Variants in FMN2 observed in about 807,000 individuals in gnomAD.
FMN2 encodes formin-2.
FMN2 carries 51 observed loss-of-function variants against 142.3 expected under a neutral mutation model. The ratio of observed to expected loss-of-function variants is 0.36; its 90% CI spans 0.29 to 0.45. The LOEUF (loss-of-function observed/expected upper bound fraction) is 0.45. FMN2 is among the 20% of genes least tolerant of loss of function. The probability of loss-of-function intolerance (pLI) is 1.00; values close to 1 mark genes in which losing one functional copy is unlikely to be tolerated. For synonymous variants in FMN2, 882 were observed against 869.8 expected (o/e 1.01, Z -0.25); for missense variants, 1,936 against 2,122.8 (o/e 0.91, Z 1.73).
At chr1:240,095,821 A>T (rs1359573734) in intron 1 of FMN2, among the ~76,000 whole-genome samples, 1 of 152,158 alleles carries the variant, frequency 6.6e-6, no homozygotes, top group Non-Finnish European at 1.5e-5. Context: ...GGGACTCTTA[A>T]AAGAGTCCTG....
chr1:240,464,536 C>T (rs1676550912), intron 16 of FMN2, among the ~76,000 whole-genome samples: 2 of 152,064 alleles, frequency 1.3e-5, no homozygotes, highest in African/African-American at 4.8e-5. Context: ...GTTTTTGGAA[C>T]ATAAGTATAG....
At chr1:240,383,594 G>T (rs1673301037) in intron 14 of FMN2, among the ~76,000 whole-genome samples, 1 of 152,146 alleles carries the variant, frequency 6.6e-6, no homozygotes, top group Admixed American at 6.6e-5. Flanking sequence ...AAAAACAGCA[G>T]AGGTAGACAT....
intron 15 of FMN2, among the ~76,000 whole-genome samples, chr1:240,403,296 A>G (rs191854257): frequency 7.9e-5 from 12 of 152,356 alleles, no homozygotes; most frequent in African/African-American, 2.6e-4. Context: ...TAAGATGTTT[A>G]TATTTTTCTA....
chr1:240,251,974 T>C (rs959114838), intron 6 of FMN2, among the ~76,000 whole-genome samples: 1 of 152,214 alleles, frequency 6.6e-6, no homozygotes, highest in Non-Finnish European at 1.5e-5. Context: ...AGTGACGCTA[T>C]CTCGGCTCAG....
chr1:240,261,489 G>A (rs748608306), intron 7 of FMN2, among the ~76,000 whole-genome samples: 2 of 151,474 alleles, frequency 1.3e-5, no homozygotes, highest in Admixed American at 1.3e-4. Context: ...CTTCTTTGCT[G>A]TCAGTACTCT....
intron 15 of FMN2, among the ~76,000 whole-genome samples, chr1:240,398,440 G>A (rs145087257): frequency 1.4e-4 from 22 of 152,254 alleles, no homozygotes; most frequent in African/African-American, 5.1e-4. Context: ...TCAAAGGCCT[G>A]AAATTATAAA....
At chr1:240,146,067 G>C (rs1388240524) in intron 2 of FMN2, among the ~76,000 whole-genome samples, 1 of 151,916 alleles carries the variant, frequency 6.6e-6, no homozygotes, top group Admixed American at 6.6e-5. Context: ...CATATGCCAC[G>C]TTCAAAGTGA....
intron 8 of FMN2, among the ~76,000 whole-genome samples, chr1:240,305,027 C>T (rs1197966368): frequency 1.3e-5 from 2 of 152,196 alleles, no homozygotes; most frequent in African/African-American, 2.4e-5. Flanking sequence ...GCTATCTTCC[C>T]AGAATCCTTT....
chr1:240,207,780 C>T lies in FMN2; in HGVS notation c.2968C>T (p.Pro990Ser), dbSNP rs1460714930. Residue 990 changes from proline to serine, a missense_variant, in exon 5 of 18, where the codon CCC becomes TCC. By Grantham distance (74) the Pro-to-Ser change is moderately conservative (BLOSUM62 -1). This residue lies in a region of FMN2 where 63 missense variants were observed against 86.3 expected (regional missense o/e 0.73). Transcript: ENST00000319653. ...ACCCGGAGCGGGCATACCCCCTCCTCCCCCACTTCCCGGAGCGGGCATACC... is the reference window on the plus strand; with the variant it reads ...ACCCGGAGCGGGCATACCCCCTCCTTCCCCACTTCCCGGAGCGGGCATACC... ...PLPGAGIPPP[P>S]PLPGAGIPPP... 16 of 1,333,894 alleles carry T rather than the reference C, an allele frequency of 1.2e-5. No individual in the cohort carries two copies. The highest frequency in any genetic ancestry group is 1.7e-5 in the Non-Finnish European group (16 of 969,368). 82.6% of individuals were successfully genotyped at this position (1,333,894 alleles called of 1,614,324 possible).
At chr1:240,149,839 T>G (rs943637538) in intron 2 of FMN2, among the ~76,000 whole-genome samples, 2 of 152,194 alleles carry the variant, frequency 1.3e-5, no homozygotes, top group African/African-American at 2.4e-5. Flanking sequence ...AAAAATTCTT[T>G]GAGGTAAATT....
At chr1:240,254,340 T>C (rs1434526942) in intron 6 of FMN2, among the ~76,000 whole-genome samples, 1 of 151,402 alleles carries the variant, frequency 6.6e-6, no homozygotes, top group Non-Finnish European at 1.5e-5. Context: ...AGCAGTAGGT[T>C]GGGTGGGTTT....
intron 4 of FMN2, 34 bp from the exon 5 acceptor site, chr1:240,206,765 A>G (rs1558359727): frequency 1.3e-6 from 2 of 1,568,330 alleles, no homozygotes; most frequent in Admixed American, 1.9e-5. Context: ...TCCTTATTTC[A>G]TAACTAACTG....
In FMN2 at chr1:240,207,016, A is replaced by C; in HGVS notation, c.2204A>C (p.His735Pro). Reference protein sequence around the residue: ...ALRLEEKEVRHHRILEAKSIQ... With the variant: ...ALRLEEKEVRPHRILEAKSIQ... The stretch of plus-strand genomic sequence containing the variant: ...AGGTTAGAAGAAAAGGAAGTACGGC[A>C]TCATAGGATTTTAGAGGCGAAATCG... Residue 735 changes from histidine to proline, a missense_variant, in exon 5 of 18, where the codon CAT (histidine) becomes CCT (proline). Physicochemically the swap from His to Pro is moderately conservative, Grantham distance 77. Around this residue, in one of 8 missense-constraint regions of FMN2, gnomAD observed 478 missense variants for 462.8 expected, o/e 1.03. Transcript: ENST00000319653. 2 of 1,614,210 alleles carry C rather than the reference A, an allele frequency of 1.2e-6. No homozygotes were observed. The highest frequency in any genetic ancestry group is 1.1e-5 in the South Asian group (1 of 91,084).
intron 6 of FMN2, among the ~76,000 whole-genome samples, chr1:240,228,925 G>A (rs188899941): frequency 1.3e-4 from 20 of 152,040 alleles, no homozygotes; most frequent in African/African-American, 4.8e-4. Flanking sequence ...TTTTGATGAA[G>A]AGACTAAAGA....
chr1:240,136,216 A>G (rs1219579924), intron 2 of FMN2, among the ~76,000 whole-genome samples: 1 of 152,086 alleles, frequency 6.6e-6, no homozygotes, highest in Non-Finnish European at 1.5e-5. Flanking sequence ...CCATTTATGT[A>G]TCTTATTTCA....
In FMN2 at chr1:240,207,656, A is replaced by AGGGCAGGCATACCCCTTCCTCCCCCTCTT; in HGVS notation, c.2844_2845insGGGCAGGCATACCCCTTCCTCCCCCTCTT (p.Pro949GlyfsTer336). The AGGGCAGGCATACCCCTTCCTCCCCCTCTT allele has an allele frequency of 1.6e-6, 2 of 1,230,846 alleles. No homozygotes were observed. The highest frequency in any genetic ancestry group is 2.9e-5 in the African/African-American group (1 of 34,000). 76.2% of individuals were successfully genotyped at this position (1,230,846 alleles called of 1,614,324 possible). On this transcript the variant is annotated frameshift_variant, in exon 5 of 18. Coordinates refer to ENST00000319653, the MANE Select transcript of FMN2 (RefSeq NM_020066.5). LOFTEE classifies it high-confidence loss of function. ...CGGGAATACCTCCTCCGCCCCCTCT[A>AGGGCAGGCATACCCCTTCCTCCCCCTCTT]CCCGGAGCGGCAATACCCCCTCCGC... is the stretch of plus-strand genomic sequence containing the variant.
chr1:240,474,898 A>T lies in FMN2; in HGVS notation c.*744A>T, dbSNP rs993817423. On this transcript the variant is annotated 3_prime_UTR_variant, in exon 18 of 18. Coordinates refer to ENST00000319653, the MANE Select transcript of FMN2 (RefSeq NM_020066.5). ...TATGGAAAGCAACTTAAGAAAACCAATGTTCTAAATCATAATTGTTTGTAT... is the reference window on the plus strand; with the variant it reads ...TATGGAAAGCAACTTAAGAAAACCATTGTTCTAAATCATAATTGTTTGTAT... 6.6e-6 allele frequency: 1 copy of T among 152,604 alleles called. No homozygotes were observed. The highest frequency in any genetic ancestry group is 1.5e-5 in the Non-Finnish European group (1 of 68,028). The allele number at this position is 152,604 out of a possible 1,614,324, so 9.5% of individuals were successfully genotyped here.
chr1:240,307,639 T>C (rs1670456428), intron 8 of FMN2, among the ~76,000 whole-genome samples: 1 of 152,258 alleles, frequency 6.6e-6, no homozygotes, highest in Admixed American at 6.5e-5. Flanking sequence ...TTGGTAACTG[T>C]AGCCTTGAAG....
chr1:240,324,614 T>C (rs1283831427), intron 8 of FMN2, among the ~76,000 whole-genome samples: 1 of 140,950 alleles, frequency 7.1e-6, no homozygotes, highest in Non-Finnish European at 1.5e-5. Flanking sequence ...TGAGCCGAGA[T>C]CATATCACTG....
Sources: allele counts gnomAD v4.1 joint callset (sites outside exome capture counted in the v4.1 genomes callset), GRCh38; gene constraint gnomAD v4.1.1; regional missense constraint gnomAD v4.1.1; transcripts MANE v1.5; gene names NCBI Gene and HGNC (gene_info 2026-07-23, HGNC 2026-07-21).